The following CSMD1 variants were observed in gnomAD, a reference collection of about 807,000 sequenced individuals.
CSMD1 encodes CUB and sushi domain-containing protein 1.
Under a neutral mutation model 417.5 loss-of-function variants are expected in CSMD1, and 213 were observed. That is an observed-to-expected ratio of 0.51 (90% CI 0.46 to 0.57). The LOEUF is 0.57. CSMD1 is among the 20% of genes least tolerant of loss of function. The pLI is 0.00. For missense variants in CSMD1, 6,923 were observed against 4,529.7 expected (o/e 1.53, Z -15.17); for synonymous variants, 2,862 against 1,736.8 (o/e 1.65, Z -16.11).
intron 6 of CSMD1, among the ~76,000 whole-genome samples, chr8:3,742,420 G>T (rs2129050739): frequency 6.6e-6 from 1 of 152,304 alleles, no homozygotes; most frequent in Admixed American, 6.5e-5. Flanking sequence ...GAAAGAGTCA[G>T]TAAATTTTTA....
At chr8:3,014,601 T>A (rs372874341) in intron 52 of CSMD1, among the ~76,000 whole-genome samples, 1 of 152,204 alleles carries the variant, frequency 6.6e-6, no homozygotes, top group Non-Finnish European at 1.5e-5. Context: ...TTCTCTTTTA[T>A]AAGCTCCTTA....
At chr8:3,299,832 C>G (rs1295244123) in intron 25 of CSMD1, among the ~76,000 whole-genome samples, 1 of 152,152 alleles carries the variant, frequency 6.6e-6, no homozygotes, top group African/African-American at 2.4e-5. Context: ...TTGTTAAGGA[C>G]TGAAAAGCCT....
At chr8:3,980,240 G>C (rs79770879) in intron 5 of CSMD1, among the ~76,000 whole-genome samples, 8,668 of 152,238 alleles carry the variant, frequency 0.057, 445 homozygotes, top group African/African-American at 0.13. Context: ...GCATAGATGG[G>C]AACTTAACTA....
chr8:4,633,024 T>A (rs1802613652), intron 2 of CSMD1, among the ~76,000 whole-genome samples: 1 of 152,052 alleles, frequency 6.6e-6, no homozygotes, highest in South Asian at 2.1e-4. Flanking sequence ...GGGTCATGGG[T>A]ACTAGAACTG....
chr8:4,724,341 A>C (rs1486810425), intron 1 of CSMD1, among the ~76,000 whole-genome samples: 1 of 152,144 alleles, frequency 6.6e-6, no homozygotes, highest in Non-Finnish European at 1.5e-5. Context: ...TGAAGAGCTA[A>C]TAATGCCCAT....
At chr8:4,526,606 T>A (rs1796525660) in intron 2 of CSMD1, among the ~76,000 whole-genome samples, 1 of 152,230 alleles carries the variant, frequency 6.6e-6, no homozygotes, top group African/African-American at 2.4e-5. Context: ...CATGTCTCTT[T>A]CACCAACTTG....
chr8:3,696,161 T>C (rs959466277), intron 7 of CSMD1, among the ~76,000 whole-genome samples: 1 of 152,236 alleles, frequency 6.6e-6, no homozygotes, highest in African/African-American at 2.4e-5. Context: ...TGAACGTATC[T>C]TCTTCGGATG....
chr8:4,823,926 C>T (rs528095518), intron 1 of CSMD1, among the ~76,000 whole-genome samples: 1 of 152,032 alleles, frequency 6.6e-6, no homozygotes, highest in East Asian at 1.9e-4. Context: ...GAGGAAAGAG[C>T]ATTCTAACCA....
intron 1 of CSMD1, chr8:4,787,812 T>C (rs1563384586): frequency 1.3e-6 from 2 of 1,575,188 alleles, no homozygotes; most frequent in Non-Finnish European, 8.7e-7. Context: ...TCATGAGTCA[T>C]GCTACACAGG....
intron 1 of CSMD1, among the ~76,000 whole-genome samples, chr8:4,905,835 G>A (rs7821577): frequency 0.23 from 29,258 of 125,244 alleles, 4,020 homozygotes; most frequent in East Asian, 0.6. Context: ...AAAAAAAAAA[G>A]AAAAAAAGAA....
intron 4 of CSMD1, among the ~76,000 whole-genome samples, chr8:4,030,494 G>A (rs555008880): frequency 2.4e-4 from 36 of 152,298 alleles, no homozygotes; most frequent in African/African-American, 8.4e-4. Context: ...CACAGTTGGA[G>A]CAGCTGGGAT....
In CSMD1 at chr8:3,692,155, A is replaced by G. The variant is rs143719296; in HGVS notation, c.1009+16259T>C. ...GGGTCTCCTATCCCAGCCGCTAATG[A>G]CCATGGCCCTACAACATTGTTTCTC... On this transcript the variant is annotated intron_variant, in intron 7 of 69. Transcript: ENST00000635120. Among the ~76,000 whole-genome samples the G allele has an allele frequency of 2.0e-5, 3 of 152,302 alleles. No individual in the cohort carries two copies. In the East Asian group the frequency reaches 5.8e-4, roughly 29 times the overall value.
chr8:3,555,923 C>T (rs1017176922), intron 10 of CSMD1, among the ~76,000 whole-genome samples: 1 of 152,062 alleles, frequency 6.6e-6, no homozygotes, highest in Non-Finnish European at 1.5e-5. Flanking sequence ...TAAAACAGCT[C>T]CCAGAAAGCA....
intron 17 of CSMD1, 31 bp from the exon 18 acceptor site, chr8:3,387,713 G>A: frequency 1.9e-6 from 3 of 1,541,552 alleles, no homozygotes; most frequent in Non-Finnish European, 2.6e-6. Context: ...CAGTCGATGA[G>A]GATCTTTCTG....
intron 3 of CSMD1, among the ~76,000 whole-genome samples, chr8:4,366,385 G>T (rs1486824870): frequency 1.3e-5 from 2 of 152,156 alleles, no homozygotes; most frequent in Non-Finnish European, 2.9e-5. Context: ...GCACTGCAAT[G>T]AACATATGCA....
chr8:4,046,585 T>G (rs1409393898), intron 3 of CSMD1, among the ~76,000 whole-genome samples: 1 of 152,212 alleles, frequency 6.6e-6, no homozygotes, highest in East Asian at 1.9e-4. Context: ...TTTCTTTAAT[T>G]TCTGAAGACC....
At chr8:3,827,957 T>C (rs778789169) in intron 5 of CSMD1, among the ~76,000 whole-genome samples, 62 of 152,194 alleles carry the variant, frequency 4.1e-4, no homozygotes, top group Non-Finnish European at 7.6e-4. Context: ...ATCCTGACAT[T>C]GCTAACCAAA....
intron 3 of CSMD1, among the ~76,000 whole-genome samples, chr8:4,414,680 G>T (rs559413274): frequency 2.0e-5 from 3 of 152,102 alleles, no homozygotes; most frequent in Admixed American, 6.5e-5. Context: ...ATACTTACTG[G>T]CAGTTTTTCT....
At chr8:4,544,224 C>A (rs755156583) in intron 2 of CSMD1, among the ~76,000 whole-genome samples, 3 of 152,044 alleles carry the variant, frequency 2.0e-5, no homozygotes, top group Non-Finnish European at 4.4e-5. Context: ...CCTTTGTCAT[C>A]CTTGTGTGGT....
Sources: gnomAD v4.1 joint callset for allele counts (sites outside exome capture counted in the v4.1 genomes callset) on GRCh38, gnomAD v4.1.1 for gene constraint, MANE v1.5 for transcripts, NCBI Gene and HGNC (gene_info 2026-07-23, HGNC 2026-07-21) for gene names.